NTRK2: variants seen among roughly 807,000 people sequenced by gnomAD.
NTRK2 encodes BDNF/NT-3 growth factors receptor.
Under a neutral mutation model 94.5 loss-of-function variants are expected in NTRK2, and 13 were observed. That is an observed-to-expected ratio of 0.14 (90% CI 0.09 to 0.22). The LOEUF (loss-of-function observed/expected upper bound fraction) is 0.22. Ranked by LOEUF, NTRK2 falls within the 10% of genes least tolerant of loss-of-function variation. NTRK2 has a pLI of 1.00. For missense variants in NTRK2, 639 were observed against 1,071.2 expected (o/e 0.60, Z 5.63); for synonymous variants, 372 against 407.4 (o/e 0.91, Z 1.05).
At chr9:84,854,381 TA>T (rs1465891270) in intron 12 of NTRK2, among the ~76,000 whole-genome samples, 1 of 152,218 alleles carries the variant, frequency 6.6e-6, no homozygotes, top group Admixed American at 6.5e-5. Context: ...CTCTTCTTAG[TA>T]AACTACTTTT....
intron 6 of NTRK2, among the ~76,000 whole-genome samples, chr9:84,722,450 A>G (rs552780655): frequency 1.3e-5 from 2 of 152,302 alleles, no homozygotes; most frequent in East Asian, 3.9e-4. Flanking sequence ...AGATATTGCC[A>G]GGTGGGTGGG....
intron 12 of NTRK2, among the ~76,000 whole-genome samples, chr9:84,761,941 C>G (rs543058322): frequency 7.2e-5 from 11 of 152,248 alleles, no homozygotes; most frequent in African/African-American, 2.6e-4. Flanking sequence ...TGAAAGGGAC[C>G]TGATGGGAGG....
At chr9:84,828,647 G>T (rs2073338459) in intron 12 of NTRK2, among the ~76,000 whole-genome samples, 2 of 152,066 alleles carry the variant, frequency 1.3e-5, no homozygotes, top group African/African-American at 4.8e-5. Context: ...TCTTTTAAAA[G>T]ATTAAAATTT....
intron 14 of NTRK2, among the ~76,000 whole-genome samples, chr9:84,899,078 G>A (rs2076848098): frequency 6.6e-6 from 1 of 152,138 alleles, no homozygotes; most frequent in Non-Finnish European, 1.5e-5. Flanking sequence ...TTCCTTGAGT[G>A]ATTTGAGCAC....
intron 6 of NTRK2, among the ~76,000 whole-genome samples, chr9:84,715,993 A>C (rs886249717): frequency 2.6e-5 from 4 of 152,180 alleles, no homozygotes; most frequent in Non-Finnish European, 5.9e-5. Flanking sequence ...GCTCTGTCTT[A>C]AGTTGATGGC....
At chr9:84,869,115 T>G (rs1298810909) in intron 14 of NTRK2, among the ~76,000 whole-genome samples, 1 of 152,234 alleles carries the variant, frequency 6.6e-6, no homozygotes, top group Non-Finnish European at 1.5e-5. Context: ...GCTACATGTC[T>G]GGAAGTGCTT....
intron 12 of NTRK2, among the ~76,000 whole-genome samples, chr9:84,840,844 T>C (rs76781382): frequency 0.015 from 2,321 of 152,114 alleles, 61 homozygotes; most frequent in African/African-American, 0.052. Flanking sequence ...CCTTCAGAGG[T>C]CGTTGCATTG....
At chr9:84,708,054 A>C (rs755504418) in intron 5 of NTRK2, 142 bp downstream of exon 5, 19 of 687,372 alleles carry the variant, frequency 2.8e-5, no homozygotes, top group Non-Finnish European at 4.9e-5. Flanking sequence ...TCAGTCTCTC[A>C]GTCTTTTATT....
At chr9:84,691,346 C>A (rs1421783763) in intron 2 of NTRK2, among the ~76,000 whole-genome samples, 1 of 150,538 alleles carries the variant, frequency 6.6e-6, no homozygotes, top group East Asian at 2.0e-4. Context: ...CTAAAGTTGT[C>A]CAAGAATTTA....
intron 17 of NTRK2, among the ~76,000 whole-genome samples, chr9:84,962,918 A>G (rs532165285): frequency 9.2e-5 from 14 of 152,362 alleles, no homozygotes; most frequent in Admixed American, 9.1e-4. Flanking sequence ...AGGAACCAAT[A>G]TGCTACTAAA....
Position 84,872,910 on chromosome 9 carries a change from C to T in NTRK2, c.1633+5479C>T, listed in dbSNP as rs150503317. 9.3e-5 allele frequency: 99 copies of T among 1,065,358 alleles called. No individual in the cohort carries two copies. The East Asian group carries it at 4.9e-3, about 53-fold the overall frequency. 66.0% of individuals were successfully genotyped at this position (1,065,358 alleles called of 1,614,324 possible). On this transcript the variant is annotated intron_variant, in intron 14 of 18. Coordinates refer to ENST00000277120, the MANE Select transcript of NTRK2 (RefSeq NM_006180.6). ...TGCTCCCCTCAACAGCCACAGCCCA[C>T]TTCGTCCTTGTCTTACCAATAAGGG...
chr9:84,972,036 G>A (rs892577272), intron 17 of NTRK2, among the ~76,000 whole-genome samples: 2 of 152,182 alleles, frequency 1.3e-5, no homozygotes, highest in African/African-American at 2.4e-5. Context: ...TAAGTCATCT[G>A]TATTTCAAGA....
intron 14 of NTRK2, among the ~76,000 whole-genome samples, chr9:84,894,863 T>C (rs567529603): frequency 5.5e-4 from 84 of 152,184 alleles, no homozygotes; most frequent in African/African-American, 1.7e-3. Flanking sequence ...CAAAGCTCAA[T>C]AGATAGAGGG....
chr9:84,833,801 T>G (rs1358889260), intron 12 of NTRK2, among the ~76,000 whole-genome samples: 1 of 152,100 alleles, frequency 6.6e-6, no homozygotes, highest in Admixed American at 6.6e-5. Flanking sequence ...CACTGACACT[T>G]TATTTCTTAC....
At chr9:84,841,436 G>A (rs2120266) in intron 12 of NTRK2, among the ~76,000 whole-genome samples, 30,222 of 152,016 alleles carry the variant, frequency 0.2, 3,660 homozygotes, top group African/African-American at 0.34. Context: ...GACTCCAACT[G>A]CTTTGCTTCA....
intron 14 of NTRK2, among the ~76,000 whole-genome samples, chr9:84,910,811 G>A (rs1003921529): frequency 6.6e-6 from 1 of 152,172 alleles, no homozygotes; most frequent in African/African-American, 2.4e-5. Context: ...AGGTGCGTAA[G>A]TTTTAAAATC....
chr9:84,899,968 G>A (rs2076878270), intron 14 of NTRK2, among the ~76,000 whole-genome samples: 1 of 152,164 alleles, frequency 6.6e-6, no homozygotes, highest in Admixed American at 6.5e-5. Context: ...TAGAAAATAC[G>A]AAGGGATGCA....
chr9:84,987,670 A>T (rs932768887), intron 17 of NTRK2, among the ~76,000 whole-genome samples: 1 of 152,148 alleles, frequency 6.6e-6, no homozygotes, highest in African/African-American at 2.4e-5. Flanking sequence ...AGGAGAATTA[A>T]CTGCTTTCAA....
rs753673000 is a variant in NTRK2 at position 84,903,178 on chromosome 9, A to T, written c.1634-30984A>T. Among the ~76,000 whole-genome samples the T allele has an allele frequency of 1.8e-4, 28 of 152,246 alleles. 1 individual carries two copies. The highest frequency in any genetic ancestry group is 1.2e-4 in the Non-Finnish European group (8 of 68,038). On this transcript the variant is annotated intron_variant, in intron 14 of 18. Transcript: ENST00000277120. ...GTGGCTATGAAATAATACAGTGCAGATGGAACATTTCCATCACTGCAGAAA... is the reference window on the plus strand; with the variant it reads ...GTGGCTATGAAATAATACAGTGCAGTTGGAACATTTCCATCACTGCAGAAA...
Sources: allele counts gnomAD v4.1 joint callset (sites outside exome capture counted in the v4.1 genomes callset), GRCh38; gene constraint gnomAD v4.1.1; transcripts MANE v1.5; gene names NCBI Gene and HGNC (gene_info 2026-07-23, HGNC 2026-07-21).